PCDHGA7: variants seen among roughly 807,000 people sequenced by gnomAD.
PCDHGA7 encodes protocadherin gamma-A7.
In PCDHGA7, 44 loss-of-function variants were observed where a neutral mutation model predicts 58.3. The observed-to-expected ratio is 0.75, with a 90% CI of 0.59 to 0.97. PCDHGA7 has a LOEUF of 0.97. Among genes scored for constraint, PCDHGA7 ranks in the 50% least tolerant of loss-of-function variants. The pLI, the probability that PCDHGA7 is intolerant of heterozygous loss-of-function variation, is 0.00. For missense variants in PCDHGA7, 1,266 were observed against 1,188.7 expected (o/e 1.06, Z -0.96); for synonymous variants, 516 against 504.2 (o/e 1.02, Z -0.31).
intron 1 of PCDHGA7, chr5:141,405,074 G>T (rs536930748): frequency 2.5e-6 from 4 of 1,613,794 alleles, no homozygotes; most frequent in Non-Finnish European, 3.4e-6. Context: ...CCTCACCTTC[G>T]TTATCACGCT....
At chr5:141,437,659 C>T (rs1006268414) in intron 1 of PCDHGA7, among the ~76,000 whole-genome samples, 10 of 151,870 alleles carry the variant, frequency 6.6e-5, no homozygotes, top group East Asian at 3.9e-4. Context: ...CACATAGTTT[C>T]GAAGAGATGT....
chr5:141,394,196 C>T, intron 1 of PCDHGA7: 1 of 1,613,910 alleles, frequency 6.2e-7, no homozygotes, highest in Non-Finnish European at 8.5e-7. Flanking sequence ...CAGCGTATAT[C>T]CTAGAGAACA....
intron 1 of PCDHGA7, chr5:141,405,363 C>G (rs765508317): frequency 5.0e-6 from 8 of 1,613,808 alleles, no homozygotes; most frequent in Non-Finnish European, 6.8e-6. Context: ...ATAGAAGACA[C>G]CCCTTTGGTT....
At chr5:141,427,659 G>A (rs546743297) in intron 1 of PCDHGA7, 3 of 742,336 alleles carry the variant, frequency 4.0e-6, no homozygotes, top group East Asian at 5.3e-5. Context: ...CGTGGTCCAC[G>A]TGGCCGAAAA....
chr5:141,487,499 G>A lies in PCDHGA7; in HGVS notation c.2425-7308G>A, dbSNP rs2099647158. On this transcript the variant is annotated intron_variant, in intron 1 of 3. Transcript: ENST00000518325. This position sits in a 1 kb window ranked among gnomAD's most constrained non-coding sequence, Gnocchi z 5.0. ...CCACTCTCATGGCTGTACACCCTTGGCTTCTGCACCCACTCGGAGTGATAG... is the reference window on the plus strand; with the variant it reads ...CCACTCTCATGGCTGTACACCCTTGACTTCTGCACCCACTCGGAGTGATAG... The A allele has an allele frequency of 3.1e-6, 5 of 1,614,152 alleles. No homozygotes were observed. The highest frequency in any genetic ancestry group is 2.2e-5 in the East Asian group (1 of 44,852).
intron 1 of PCDHGA7, chr5:141,388,970 A>G (rs1561622326): frequency 6.2e-7 from 1 of 1,613,928 alleles, no homozygotes; most frequent in East Asian, 2.2e-5. Flanking sequence ...AGCTGGGAAC[A>G]CATATTGCTT....
At chr5:141,394,348 G>C (rs1376364642) in intron 1 of PCDHGA7, 2 of 1,614,050 alleles carry the variant, frequency 1.2e-6, no homozygotes, top group Non-Finnish European at 1.7e-6. Flanking sequence ...TCTGACACCG[G>C]TGTCCTGTAT....
Position 141,424,165 on chromosome 5 carries a change from A to G in PCDHGA7, c.2424+38842A>G, listed in dbSNP as rs1328883463. 2.8e-5 allele frequency: 7 copies of G among 251,918 alleles called. No individual in the cohort carries two copies. The South Asian group carries it at 4.6e-4, about 17-fold the overall frequency. The allele number at this position is 251,918 out of a possible 1,614,324, so 15.6% of individuals were successfully genotyped here. On this transcript the variant is annotated intron_variant, in intron 1 of 3. Transcript: ENST00000518325. Reference sequence around the variant, plus strand: ...CTCCCTCTAGCTCTCCTTCTCATCTATCTATCTATACACATGCACACACAC... The same window carrying G: ...CTCCCTCTAGCTCTCCTTCTCATCTGTCTATCTATACACATGCACACACAC...
At chr5:141,423,034 G>A (rs769232324) in intron 1 of PCDHGA7, 1 of 1,614,200 alleles carries the variant, frequency 6.2e-7, no homozygotes, top group Non-Finnish European at 8.5e-7. Context: ...AGGCCAGAAC[G>A]CCTGGCTGTC....
At chr5:141,395,351 G>A (rs2093220052) in intron 1 of PCDHGA7, 1 of 1,366,364 alleles carries the variant, frequency 7.3e-7, no homozygotes, top group East Asian at 2.5e-5. Context: ...GTGTATCACA[G>A]AGTTTTGGGT....
At position 141,409,225 on chromosome 5, in the gene PCDHGA7, C is replaced by T. The variant is rs781617309; in HGVS notation, c.2424+23902C>T. 59 of 1,613,878 alleles carry T rather than the reference C, an allele frequency of 3.7e-5. 2 individuals carry two copies. The East Asian group carries it at 1.1e-3, about 30-fold the overall frequency. On this transcript the variant is annotated intron_variant, in intron 1 of 3. Coordinates refer to ENST00000518325, the MANE Select transcript of PCDHGA7 (RefSeq NM_018920.4). ...TAATCATAGAAATCCTTGATGAAAA[C>T]GACAACAGCCCAGAAATAATCATCA...
At chr5:141,395,099 C>A (rs1337134243) in intron 1 of PCDHGA7, 1 of 1,614,228 alleles carries the variant, frequency 6.2e-7, no homozygotes. Flanking sequence ...TCACCGCCGA[C>A]TCGCGGAAGA....
chr5:141,504,315 A>G (rs573050088), intron 2 of PCDHGA7, among the ~76,000 whole-genome samples: 1 of 152,248 alleles, frequency 6.6e-6, no homozygotes, highest in East Asian at 1.9e-4. Flanking sequence ...AGTTTCTAAA[A>G]GTCTCACTTA....
At chr5:141,405,868 C>T (rs528188485) in intron 1 of PCDHGA7, among the ~76,000 whole-genome samples, 1 of 152,280 alleles carries the variant, frequency 6.6e-6, no homozygotes, top group Non-Finnish European at 1.5e-5. Context: ...TCACTTTTCA[C>T]TGGGCCTAAT....
chr5:141,460,792 A>T (rs1028557260), intron 1 of PCDHGA7, among the ~76,000 whole-genome samples: 30 of 152,012 alleles, frequency 2.0e-4, no homozygotes, highest in Non-Finnish European at 2.9e-5. Context: ...ATATACACAC[A>T]AAGTATATAT....
At chr5:141,507,239 G>C (rs2099859378) in intron 3 of PCDHGA7, 1 of 152,310 alleles carries the variant, frequency 6.6e-6, no homozygotes, top group Non-Finnish European at 1.5e-5. Context: ...CCCAGTTACA[G>C]TTGAATGTCA....
chr5:141,402,918 A>C (rs766546022), intron 1 of PCDHGA7: 55 of 1,569,938 alleles, frequency 3.5e-5, no homozygotes, highest in Non-Finnish European at 4.7e-5. Flanking sequence ...GCGCGCACAG[A>C]GATCCTTTTG....
chr5:141,430,822 G>C lies in PCDHGA7; in HGVS notation c.2424+45499G>C, dbSNP rs752634890. 5.8e-6 allele frequency: 9 copies of C among 1,542,380 alleles called. No homozygotes were observed. The African/African-American group carries it at 1.1e-4, about 19-fold the overall frequency. On this transcript the variant is annotated intron_variant, in intron 1 of 3. Transcript: ENST00000518325. ...TTGTCCTGCTGGGAATCCTCCTGGGGACTCTGTGGGAGACCGGATGCACCC... is the reference window on the plus strand; with the variant it reads ...TTGTCCTGCTGGGAATCCTCCTGGGCACTCTGTGGGAGACCGGATGCACCC...
intron 1 of PCDHGA7, among the ~76,000 whole-genome samples, chr5:141,473,773 T>C (rs1473510505): frequency 6.6e-6 from 1 of 152,254 alleles, no homozygotes; most frequent in Non-Finnish European, 1.5e-5. Context: ...GGATTTGGTA[T>C]TTTAATTCAA....
Sources: allele counts gnomAD v4.1 joint callset (sites outside exome capture counted in the v4.1 genomes callset), GRCh38; gene constraint gnomAD v4.1.1; non-coding constraint Gnocchi (gnomAD v3.1); transcripts MANE v1.5; gene names NCBI Gene and HGNC (gene_info 2026-07-23, HGNC 2026-07-21).